DNAH8: variants seen among roughly 807,000 people sequenced by gnomAD.
DNAH8 encodes the protein axonemal beta dynein heavy chain 8.
A neutral mutation model predicts 562.1 loss-of-function variants in DNAH8; 382 were observed. The observed-to-expected ratio is 0.68, with a 90% CI of 0.63 to 0.74. The LOEUF (loss-of-function observed/expected upper bound fraction) is 0.74, where lower values mean the gene tolerates loss of function less well. Ranked by LOEUF, DNAH8 falls within the 30% of genes least tolerant of loss-of-function variation. The pLI is 0.00. For synonymous variants in DNAH8, 1,881 were observed against 1,919.4 expected (o/e 0.98, Z 0.52); for missense variants, 5,203 against 5,620.4 (o/e 0.93, Z 2.37).
At position 38,939,128 on chromosome 6, in the gene DNAH8, C is replaced by T. The variant is rs79406900; in HGVS notation, c.12007+140C>T. On this transcript the variant is annotated intron_variant, in intron 79 of 92. Transcript: ENST00000327475. ...GTTTAATTAAGTTTTATTTTTAATA[C>T]CTTTTTTCTGTTTTTCATTCGTTTT... 7,741 of 674,828 alleles carry T rather than the reference C, an allele frequency of 0.011. 399 individuals carry two copies. The East Asian group carries it at 0.13, about 12-fold the overall frequency. The allele number at this position is 674,828 out of a possible 1,614,324, so 41.8% of individuals were successfully genotyped here. A position where few individuals can be genotyped will look rare whatever the true frequency, so the allele number is the denominator to read the frequency against.
chr6:38,887,291 A>G (rs1320155315), intron 57 of DNAH8, among the ~76,000 whole-genome samples: 1 of 152,252 alleles, frequency 6.6e-6, no homozygotes, highest in Non-Finnish European at 1.5e-5. Context: ...ATTTGGGCCA[A>G]TAAATGATAG....
At chr6:38,820,684 AT>A (rs1562898537) in intron 26 of DNAH8, among the ~76,000 whole-genome samples, 1 of 152,048 alleles carries the variant, frequency 6.6e-6, no homozygotes, top group Non-Finnish European at 1.5e-5. Context: ...GTTTGACCAA[AT>A]GAGGTTTATC....
chr6:38,760,928 G>A (rs1766431276), intron 10 of DNAH8, among the ~76,000 whole-genome samples: 1 of 151,842 alleles, frequency 6.6e-6, no homozygotes, highest in Non-Finnish European at 1.5e-5. Flanking sequence ...CCCATTCTCA[G>A]GTATTCCTTG....
rs756490852 is a variant in DNAH8 at position 38,779,959 on chromosome 6, CT to C, written c.2040-3del. 1 of 1,612,846 alleles carries C rather than the reference CT, an allele frequency of 6.2e-7. No individual in the cohort carries two copies. Among genetic ancestry groups the C allele is most frequent in the Non-Finnish European group, 8.5e-7 (1 of 1,179,064 alleles). On this transcript the variant is annotated splice_region_variant and splice_polypyrimidine_tract_variant and intron_variant, in intron 14 of 92. Transcript: ENST00000327475. Reference sequence around the variant, plus strand: ...CTTTTTAACCATTCAGCTTTGATTACTTTTAGGTTTCAGAAGCTGAACATTC... The same window carrying C: ...CTTTTTAACCATTCAGCTTTGATTACTTTAGGTTTCAGAAGCTGAACATTC...
Position 38,863,901 on chromosome 6 carries a change from T to C in DNAH8, c.6339T>C (p.Cys2113=), listed in dbSNP as rs1221342368. ...TTGCACAGTCGGGTTCCTGGGGCTG[T>C]TTTGATGAGTTTAACAGAATTGAAT... is the stretch of plus-strand genomic sequence containing the variant. ...KGLAQSGSWG[C]FDEFNRIELP... is the part of the protein sequence containing the mutation. Residue 2113 remains cysteine (C), a synonymous_variant, in exon 45 of 93, where the codon TGT becomes TGC. Coordinates refer to ENST00000327475, the MANE Select transcript of DNAH8 (RefSeq NM_001206927.2). 1 of 1,602,804 alleles carries C rather than the reference T, an allele frequency of 6.2e-7. No individual in the cohort carries two copies. The highest frequency in any genetic ancestry group is 2.2e-5 in the East Asian group (1 of 44,820).
At chr6:38,867,537 G>A (rs183767324) in intron 47 of DNAH8, among the ~76,000 whole-genome samples, 86 of 150,968 alleles carry the variant, frequency 5.7e-4, no homozygotes, top group African/African-American at 2.1e-3. Flanking sequence ...GAGGTCGGGA[G>A]ATCGAGACCA....
chr6:38,987,856 GT>G (rs1056224859), intron 87 of DNAH8, among the ~76,000 whole-genome samples: 14 of 152,320 alleles, frequency 9.2e-5, no homozygotes, highest in South Asian at 8.3e-4. Flanking sequence ...CCAGAGGTGA[GT>G]TTGGGTCTCT....
intron 79 of DNAH8, among the ~76,000 whole-genome samples, chr6:38,944,634 G>T (rs1348252407): frequency 2.6e-5 from 4 of 152,214 alleles, no homozygotes; most frequent in African/African-American, 9.6e-5. Flanking sequence ...ATTGGAAAAT[G>T]CTGGGTATGC....
intron 86 of DNAH8, among the ~76,000 whole-genome samples, chr6:38,982,756 C>G (rs755683070): frequency 6.6e-6 from 1 of 152,236 alleles, no homozygotes; most frequent in African/African-American, 2.4e-5. Flanking sequence ...TCAAGCTTCT[C>G]CTCACTGGTC....
chr6:38,910,565 A>C (rs1780812227), intron 65 of DNAH8, among the ~76,000 whole-genome samples: 1 of 152,204 alleles, frequency 6.6e-6, no homozygotes, highest in Non-Finnish European at 1.5e-5. Flanking sequence ...CTTACTGTTA[A>C]GAAGATTTTC....
Position 38,723,069 on chromosome 6 carries a change from G to A in DNAH8, c.260G>A (p.Arg87Lys). The change falls in exon 2 of 93, where the codon AGG becomes AAG. Residue 87 changes from arginine to lysine, a missense_variant. By Grantham distance (26) the Arg-to-Lys change is conservative. Coordinates refer to ENST00000327475, the MANE Select transcript of DNAH8 (RefSeq NM_001206927.2). ...GCGGATCTGAATAGAGTTCGACAGA[G>A]GCTTGCACCGCGACCGGTTCAGTCA... ...HEADLNRVRQRLAPRPVQSVI... is the reference protein window; with the variant it reads ...HEADLNRVRQKLAPRPVQSVI... The A allele has an allele frequency of 6.2e-7, 1 of 1,612,904 alleles. No homozygotes were observed. The highest frequency in any genetic ancestry group is 8.5e-7 in the Non-Finnish European group (1 of 1,179,910).
intron 58 of DNAH8, among the ~76,000 whole-genome samples, chr6:38,893,760 A>T (rs1412746766): frequency 6.6e-6 from 1 of 152,218 alleles, no homozygotes; most frequent in Non-Finnish European, 1.5e-5. Flanking sequence ...ATTTTTCAGT[A>T]TAGAAAGGGC....
chr6:38,948,496 G>T (rs1761614706), intron 80 of DNAH8, among the ~76,000 whole-genome samples: 1 of 151,926 alleles, frequency 6.6e-6, no homozygotes, highest in Non-Finnish European at 1.5e-5. Context: ...GTGCCACCAC[G>T]CCCGGCTAAT....
chr6:38,739,288 A>G (rs72858234), intron 7 of DNAH8, among the ~76,000 whole-genome samples: 28,091 of 152,210 alleles, frequency 0.18, 3,391 homozygotes, highest in Non-Finnish European at 0.27. Context: ...TAAATATATT[A>G]ATTACAAATG....
intron 88 of DNAH8, among the ~76,000 whole-genome samples, chr6:38,993,217 C>A (rs1399440096): frequency 1.3e-5 from 2 of 152,178 alleles, no homozygotes; most frequent in African/African-American, 4.8e-5. Flanking sequence ...TATGTGTATT[C>A]ATTTACTTGC....
At chr6:38,764,315 G>C (rs1230166081) in intron 11 of DNAH8, 1 of 153,552 alleles carries the variant, frequency 6.5e-6, no homozygotes. Context: ...TTGGTCTGCA[G>C]TTACTAATTA....
chr6:38,738,709 T>A (rs1419398698), intron 7 of DNAH8, among the ~76,000 whole-genome samples: 1 of 152,146 alleles, frequency 6.6e-6, no homozygotes, highest in East Asian at 1.9e-4. Flanking sequence ...TTTCCAGTTT[T>A]ACCTTTCTAG....
chr6:38,884,856 A>G (rs754075088), intron 56 of DNAH8, among the ~76,000 whole-genome samples: 21 of 152,182 alleles, frequency 1.4e-4, no homozygotes, highest in Non-Finnish European at 2.5e-4. Flanking sequence ...GTCATTCCCC[A>G]TTAGAAGACT....
intron 91 of DNAH8, among the ~76,000 whole-genome samples, chr6:39,017,963 G>C (rs1766666898): frequency 6.6e-6 from 1 of 152,142 alleles, no homozygotes; most frequent in Non-Finnish European, 1.5e-5. Context: ...AAGGGACTTG[G>C]GGATAGCTTC....
Sources: gnomAD v4.1 joint callset for allele counts (sites outside exome capture counted in the v4.1 genomes callset) on GRCh38, gnomAD v4.1.1 for gene constraint, MANE v1.5 for transcripts, NCBI Gene and HGNC (gene_info 2026-07-23, HGNC 2026-07-21) for gene names.